The following DOCK3 variants were observed in gnomAD, a reference collection of about 807,000 sequenced individuals.
DOCK3 encodes the protein dedicator of cytokinesis 3, also known as dedicator of cytokinesis protein 3.
DOCK3 carries 60 observed loss-of-function variants against 265.6 expected under a neutral mutation model. That is an observed-to-expected ratio of 0.23 (90% CI 0.18 to 0.28). DOCK3 has a LOEUF of 0.28. Among genes scored for constraint, DOCK3 ranks in the 10% least tolerant of loss-of-function variants. The pLI is 1.00. For synonymous variants in DOCK3, 881 were observed against 938.0 expected (o/e 0.94, Z 1.11); for missense variants, 1,981 against 2,594.3 (o/e 0.76, Z 5.14).
At chr3:50,680,108 G>C (rs1239334216) in intron 1 of DOCK3, among the ~76,000 whole-genome samples, 2 of 152,102 alleles carry the variant, frequency 1.3e-5, no homozygotes, top group East Asian at 3.8e-4. Context: ...AGTAGTATAT[G>C]ACTGTGGCTT....
At chr3:50,820,824 C>CTTTTTTTTT (rs56022017) in intron 2 of DOCK3, among the ~76,000 whole-genome samples, 1 of 131,264 alleles carries the variant, frequency 7.6e-6, no homozygotes, top group Non-Finnish European at 1.6e-5. Flanking sequence ...TTGCTGGCAT[C>CTTTTTTTTT]TTTTTTTTTT....
intron 2 of DOCK3, among the ~76,000 whole-genome samples, chr3:50,797,126 G>A (rs2042832209): frequency 1.3e-5 from 2 of 152,196 alleles, no homozygotes; most frequent in South Asian, 4.1e-4. Flanking sequence ...CTGCATCAGG[G>A]TGCTAGTGAA....
intron 3 of DOCK3, among the ~76,000 whole-genome samples, chr3:50,864,924 C>T (rs2047073086): frequency 6.6e-6 from 1 of 150,658 alleles, no homozygotes; most frequent in African/African-American, 2.4e-5. Context: ...TATTTGGGGT[C>T]TTTTGTGGTT....
intron 27 of DOCK3, among the ~76,000 whole-genome samples, chr3:51,308,918 G>T (rs1350501440): frequency 1.2e-4 from 18 of 151,558 alleles, no homozygotes; most frequent in Non-Finnish European, 2.5e-4. Flanking sequence ...GGGGCGGCCG[G>T]GCAGAGACGC....
At chr3:51,256,593 G>T (rs112167212) in intron 22 of DOCK3, among the ~76,000 whole-genome samples, 5,101 of 126,622 alleles carry the variant, frequency 0.04, 307 homozygotes, top group African/African-American at 0.13. Flanking sequence ...TTTCGTTTTT[G>T]TTTTTTTTTT....
At chr3:51,061,788 C>T (rs962806723) in intron 5 of DOCK3, among the ~76,000 whole-genome samples, 1 of 152,102 alleles carries the variant, frequency 6.6e-6, no homozygotes, top group African/African-American at 2.4e-5. Context: ...CTTTTCCTCT[C>T]ACCTCACTGC....
intron 2 of DOCK3, among the ~76,000 whole-genome samples, chr3:50,803,328 C>T (rs890904487): frequency 5.9e-5 from 9 of 152,114 alleles, no homozygotes; most frequent in Middle Eastern, 3.4e-3. Flanking sequence ...CATCTTGGAC[C>T]GCCCTTAATC....
chr3:51,350,963 G>C (rs78486117), intron 40 of DOCK3, among the ~76,000 whole-genome samples: 8,342 of 152,336 alleles, frequency 0.055, 272 homozygotes, highest in Non-Finnish European at 0.084. Context: ...TAGGCAGCCA[G>C]TTCTCTGACC....
At chr3:51,235,199 AG>A (rs1043330887) in intron 19 of DOCK3, among the ~76,000 whole-genome samples, 2 of 152,250 alleles carry the variant, frequency 1.3e-5, no homozygotes, top group African/African-American at 4.8e-5. Flanking sequence ...TTATGTGATC[AG>A]ATTATCATAA....
intron 5 of DOCK3, among the ~76,000 whole-genome samples, chr3:50,973,308 T>G: frequency 7.6e-6 from 1 of 131,682 alleles, no homozygotes; most frequent in Admixed American, 9.0e-5. Flanking sequence ...CCCAAAACAG[T>G]CCCCAGAGTG....
chr3:50,969,098 T>C (rs1034924971), intron 5 of DOCK3, among the ~76,000 whole-genome samples: 12 of 152,208 alleles, frequency 7.9e-5, no homozygotes, highest in Non-Finnish European at 2.9e-5. Flanking sequence ...CCCATTGTTA[T>C]TCTATTGCTG....
chr3:51,310,374 C>T (rs745783048), intron 28 of DOCK3, 48 bp downstream of exon 28: 5 of 1,464,684 alleles, frequency 3.4e-6, no homozygotes, highest in Non-Finnish European at 4.7e-6. Context: ...TGTTCTCAGA[C>T]TAAGAAGAGT....
chr3:50,862,258 T>C (rs932371288), intron 3 of DOCK3, among the ~76,000 whole-genome samples: 1 of 152,204 alleles, frequency 6.6e-6, no homozygotes, highest in Non-Finnish European at 1.5e-5. Context: ...TCAGATACTG[T>C]TTGTTGTAGC....
At chr3:51,292,330 C>T (rs963674710) in intron 27 of DOCK3, among the ~76,000 whole-genome samples, 1 of 152,036 alleles carries the variant, frequency 6.6e-6, no homozygotes, top group African/African-American at 2.4e-5. Flanking sequence ...TCTCTGTTTG[C>T]CAATGACATG....
At chr3:51,261,840 A>AC (rs2079867110) in intron 23 of DOCK3, among the ~76,000 whole-genome samples, 1 of 152,148 alleles carries the variant, frequency 6.6e-6, no homozygotes, top group Non-Finnish European at 1.5e-5. Flanking sequence ...CTGCCAAGCC[A>AC]CTGTAGCCAG....
chr3:50,915,003 T>G (rs891774883), intron 4 of DOCK3, among the ~76,000 whole-genome samples: 4 of 152,006 alleles, frequency 2.6e-5, no homozygotes, highest in African/African-American at 7.3e-5. Context: ...GTCTTGGGGT[T>G]TAGGTTTGCT....
At chr3:51,203,509 T>A (rs2088957976) in intron 12 of DOCK3, among the ~76,000 whole-genome samples, 4 of 152,132 alleles carry the variant, frequency 2.6e-5, no homozygotes, top group Middle Eastern at 3.4e-3. Context: ...TCAGTGAAAT[T>A]AAAGAGGATA....
At chr3:51,312,140 G>T in intron 29 of DOCK3, 61 bp downstream of exon 29, 1 of 1,441,642 alleles carries the variant, frequency 6.9e-7, no homozygotes, top group Non-Finnish European at 9.5e-7. Context: ...CCAAAACCAA[G>T]CTCACTTGTT....
intron 4 of DOCK3, among the ~76,000 whole-genome samples, chr3:50,893,637 A>G (rs949187882): frequency 2.6e-5 from 4 of 152,122 alleles, no homozygotes; most frequent in Non-Finnish European, 5.9e-5. Context: ...AAGCAAACCA[A>G]TATGCTCAAT....
Sources: allele counts gnomAD v4.1 joint callset (sites outside exome capture counted in the v4.1 genomes callset), GRCh38; gene constraint gnomAD v4.1.1; transcripts MANE v1.5; gene names NCBI Gene and HGNC (gene_info 2026-07-23, HGNC 2026-07-21).